KLKB1: variants seen among roughly 807,000 people sequenced by gnomAD.
KLKB1 encodes the protein kallikrein B1.
KLKB1 carries 58 observed loss-of-function variants against 73.6 expected under a neutral mutation model. That is an observed-to-expected ratio of 0.79 (90% CI 0.64 to 0.98). The LOEUF (loss-of-function observed/expected upper bound fraction) is 0.98, where lower values mean the gene tolerates loss of function less well. Ranked by LOEUF, KLKB1 falls within the 50% of genes least tolerant of loss-of-function variation. The pLI is 0.00. For missense variants in KLKB1, 737 were observed against 763.8 expected, an observed-to-expected ratio of 0.96 and a Z score of 0.41; for synonymous variants, 280 against 258.1, an observed-to-expected ratio of 1.08 and a Z score of -0.81.
At chr4:186,242,121 CA>C (rs1321974166) in intron 6 of KLKB1, among the ~76,000 whole-genome samples, 1 of 148,450 alleles carries the variant, frequency 6.7e-6, no homozygotes, top group African/African-American at 2.5e-5. Flanking sequence ...AAATTACAGT[CA>C]AAGGGGGTTG....
chr4:186,217,364 A>G (rs1361032616), intron 2 of KLKB1, among the ~76,000 whole-genome samples: 1 of 152,120 alleles, frequency 6.6e-6, no homozygotes, highest in Non-Finnish European at 1.5e-5. Context: ...ACTCTTTTCT[A>G]CTGCACAAAG....
chr4:186,240,336 G>C (rs1448514089), intron 6 of KLKB1, among the ~76,000 whole-genome samples: 3 of 151,934 alleles, frequency 2.0e-5, no homozygotes, highest in Non-Finnish European at 4.4e-5. Context: ...TACAGTTATA[G>C]GTACAGTGAC....
At position 186,257,223 on chromosome 4, in the gene KLKB1, C is replaced by G; in HGVS notation, c.1586-3C>G. ...TCTGAGGTTATATATTGGTTACTCA[C>G]AGGTGAAATCCAAAATATTCTACAA... is the stretch of plus-strand genomic sequence containing the variant. On this transcript the variant is annotated splice_polypyrimidine_tract_variant and splice_region_variant and intron_variant, in intron 13 of 14. Transcript: ENST00000264690. 1 of 1,558,920 alleles carries G rather than the reference C, an allele frequency of 6.4e-7. No individual in the cohort carries two copies. The highest frequency in any genetic ancestry group is 2.3e-5 in the East Asian group (1 of 43,738).
At position 186,251,857 on chromosome 4, in the gene KLKB1, C is replaced by A. The variant is rs368165642; in HGVS notation, c.1140C>A (p.Asn380Lys). 5 of 1,610,948 alleles carry A rather than the reference C, an allele frequency of 3.1e-6. No homozygotes were observed. The highest frequency in any genetic ancestry group is 4.2e-6 in the Non-Finnish European group (5 of 1,177,606). ...YSLRLCNTGD[N>K]SVCTTKTSTR... is the part of the protein sequence containing the mutation. ...TGAGATTGTGTAACACTGGGGACAA[C>A]TCTGGTGAGTAACCTCACTTTTTCG... Residue 380 changes from asparagine (N) to lysine (K), a missense_variant, in exon 10 of 15, where the codon AAC becomes AAA. Physicochemically the swap from Asn to Lys is moderately conservative, Grantham distance 94 (BLOSUM62 0). Coordinates refer to ENST00000264690, the MANE Select transcript of KLKB1 (RefSeq NM_000892.5).
At chr4:186,257,894 A>G (rs1482107606) in intron 14 of KLKB1, 127 bp from the exon 15 acceptor site, 4 of 910,268 alleles carry the variant, frequency 4.4e-6, no homozygotes, top group Non-Finnish European at 7.1e-6. Flanking sequence ...CCATCTCTAC[A>G]AAAAAATATG....
chr4:186,225,410 A>G (rs1183757974), upstream of KLKB1, among the ~76,000 whole-genome samples: 1 of 143,630 alleles, frequency 7.0e-6, no homozygotes, highest in Admixed American at 7.1e-5. Context: ...TCTCTTTGTC[A>G]TGGTGAGGAT....
chr4:186,249,370 G>A (rs1738547103), intron 6 of KLKB1, among the ~76,000 whole-genome samples: 1 of 152,132 alleles, frequency 6.6e-6, no homozygotes, highest in Non-Finnish European at 1.5e-5. Flanking sequence ...TCTTGCATGT[G>A]GGTATTCAGT....
intron 2 of KLKB1, among the ~76,000 whole-genome samples, chr4:186,217,937 G>A (rs559539088): frequency 9.9e-4 from 151 of 152,318 alleles, no homozygotes; most frequent in African/African-American, 3.5e-3. Context: ...GTGTTATCCA[G>A]CAGATTTCAG....
At position 186,258,012 on chromosome 4, in the gene KLKB1, G is replaced by A. The variant is rs1251022641; in HGVS notation, c.1726-9G>A. 1 of 1,613,294 alleles carries A rather than the reference G, an allele frequency of 6.2e-7. No individual in the cohort carries two copies. The highest frequency in any genetic ancestry group is 8.5e-7 in the Non-Finnish European group (1 of 1,179,358). ...CTTTCTACTATTTTATTTTTCCACT[G>A]TGACTCAGGGAGATTCAGGTGGTCC... On this transcript the variant is annotated splice_polypyrimidine_tract_variant and intron_variant, in intron 14 of 14. Coordinates refer to ENST00000264690, the MANE Select transcript of KLKB1 (RefSeq NM_000892.5).
At chr4:186,246,578 G>A (rs989859008) in intron 6 of KLKB1, among the ~76,000 whole-genome samples, 1 of 152,194 alleles carries the variant, frequency 6.6e-6, no homozygotes, top group East Asian at 1.9e-4. Context: ...AAGGCATTTA[G>A]GTTTTAGGTC....
At chr4:186,232,390 G>A in intron 3 of KLKB1, 101 bp downstream of exon 3, 1 of 1,109,598 alleles carries the variant, frequency 9.0e-7, no homozygotes, top group Non-Finnish European at 1.4e-6. Flanking sequence ...CTCACACGGG[G>A]TTCAAGGACC....
intron 4 of KLKB1, among the ~76,000 whole-genome samples, chr4:186,236,433 C>T (rs562311375): frequency 6.6e-5 from 10 of 152,200 alleles, no homozygotes; most frequent in Non-Finnish European, 1.5e-4. Context: ...CAAACCTCAG[C>T]ACACATTATC....
At chr4:186,248,419 G>T (rs543812937) in intron 6 of KLKB1, among the ~76,000 whole-genome samples, 5 of 152,080 alleles carry the variant, frequency 3.3e-5, no homozygotes, top group Admixed American at 1.3e-4. Context: ...ATGGAATCAT[G>T]CAATGCAGCA....
chr4:186,245,718 G>C (rs1206685667), intron 6 of KLKB1, among the ~76,000 whole-genome samples: 2 of 151,940 alleles, frequency 1.3e-5, no homozygotes, highest in Non-Finnish European at 2.9e-5. Context: ...ATTGCTACTT[G>C]GCTGCCTCTA....
intron 2 of KLKB1, among the ~76,000 whole-genome samples, chr4:186,216,216 G>A (rs941560135): frequency 2.6e-5 from 4 of 152,164 alleles, no homozygotes; most frequent in Non-Finnish European, 5.9e-5. Context: ...GTTTTTAAAA[G>A]ATATTTCATT....
rs1736984693 is a variant in KLKB1, at chr4:186,219,444, C to CTGTTACAACCCAACCCAAATGT, written c.201+10179_201+10180insACCCAACCCAAATGTTGTTACA. ...AGTGTACCAATCCCCAACCCAAATG[C>CTGTTACAACCCAACCCAAATGT]TGTTACATAAAGTTAACAACATTTA... is the stretch of plus-strand genomic sequence containing the variant. On this transcript the variant is annotated intron_variant, in intron 2 of 14. Coordinates refer to the KLKB1 transcript ENST00000511608. 2.0e-5 allele frequency among the ~76,000 whole-genome samples: 3 copies of CTGTTACAACCCAACCCAAATGT among 152,070 alleles called. No homozygotes were observed. In the South Asian group the frequency reaches 6.2e-4, roughly 32 times the overall value.
chr4:186,225,616 A>G (rs1737142579), upstream of KLKB1, among the ~76,000 whole-genome samples: 1 of 151,568 alleles, frequency 6.6e-6, no homozygotes, highest in South Asian at 2.1e-4. Context: ...TTGTATTTTT[A>G]GTAGAGATGG....
chr4:186,244,304 A>G (rs1738211362), intron 6 of KLKB1, among the ~76,000 whole-genome samples: 1 of 152,078 alleles, frequency 6.6e-6, no homozygotes, highest in South Asian at 2.1e-4. Context: ...GAAGTACTTA[A>G]CCATACCTAG....
At chr4:186,228,094 G>A in intron 1 of KLKB1, 101 bp from the exon 2 acceptor site, 1 of 743,524 alleles carries the variant, frequency 1.3e-6, no homozygotes, top group Non-Finnish European at 2.4e-6. Flanking sequence ...GCTTTGTCTT[G>A]CAATTCAGAC....
Sources: allele counts gnomAD v4.1 joint callset (sites outside exome capture counted in the v4.1 genomes callset), GRCh38; gene constraint gnomAD v4.1.1; transcripts MANE v1.5; gene names NCBI Gene and HGNC (gene_info 2026-07-23, HGNC 2026-07-21).